Variants in BNIP3L observed in about 807,000 individuals in gnomAD.
BNIP3L encodes BCL2/adenovirus E1B 19 kDa protein-interacting protein 3-like.
BNIP3L carries 10 observed loss-of-function variants against 25.5 expected under a neutral mutation model. That is an observed-to-expected ratio of 0.39 (90% CI 0.24 to 0.67). The LOEUF is 0.67. BNIP3L is among the 30% of genes least tolerant of loss of function. The pLI is 0.45. For missense variants in BNIP3L, 215 were observed against 270.9 expected, an observed-to-expected ratio of 0.79 and a Z score of 1.45; for synonymous variants, 113 against 101.2, an observed-to-expected ratio of 1.12 and a Z score of -0.70.
intron 3 of BNIP3L, 107 bp downstream of exon 3, chr8:26,395,409 C>A: frequency 8.3e-7 from 1 of 1,198,000 alleles, no homozygotes; most frequent in Non-Finnish European, 1.2e-6. Context: ...TAGTTTGAAG[C>A]TATTATTGAG....
intron 3 of BNIP3L, among the ~76,000 whole-genome samples, chr8:26,404,032 C>G (rs777250862): frequency 6.6e-6 from 1 of 152,164 alleles, no homozygotes; most frequent in Non-Finnish European, 1.5e-5. Flanking sequence ...CGATTGATAA[C>G]AGGAGAGCTC....
chr8:26,388,807 C>CTAAATAAATAAATAAATAAATAAATAAA (rs3837185), intron 1 of BNIP3L, among the ~76,000 whole-genome samples: 20 of 143,958 alleles, frequency 1.4e-4, no homozygotes, highest in African/African-American at 5.1e-4. Context: ...CCTGTCTCTA[C>CTAAATAAATAAATAAATAAATAAATAAA]TAAATAAATA....
At chr8:26,401,955 G>A (rs1365820851) in intron 3 of BNIP3L, among the ~76,000 whole-genome samples, 1 of 152,174 alleles carries the variant, frequency 6.6e-6, no homozygotes, top group Non-Finnish European at 1.5e-5. Context: ...AAATTCTTGA[G>A]GACGGGAACC....
chr8:26,406,415 G>A (rs1806500933), intron 3 of BNIP3L, among the ~76,000 whole-genome samples: 1 of 152,210 alleles, frequency 6.6e-6, no homozygotes, highest in Non-Finnish European at 1.5e-5. Flanking sequence ...GCCCTGCTAT[G>A]TACTGGTTGT....
intron 3 of BNIP3L, among the ~76,000 whole-genome samples, chr8:26,401,888 T>C (rs898114239): frequency 2.2e-4 from 33 of 152,254 alleles, no homozygotes; most frequent in Non-Finnish European, 1.5e-5. Flanking sequence ...AGAATACTCA[T>C]AGCCAGCCTT....
intron 3 of BNIP3L, chr8:26,395,914 A>T (rs2117476874): frequency 6.1e-6 from 1 of 164,748 alleles, no homozygotes; most frequent in South Asian, 1.1e-4. Context: ...TGCTTTTCAG[A>T]CCGGCTTAAA....
At chr8:26,400,146 A>G (rs1478524681) in intron 3 of BNIP3L, among the ~76,000 whole-genome samples, 7 of 150,996 alleles carry the variant, frequency 4.6e-5, no homozygotes, top group East Asian at 2.0e-4. Context: ...GAGGCATCAC[A>G]CTACCTGACT....
chr8:26,393,557 A>C (rs1203840728), intron 2 of BNIP3L, among the ~76,000 whole-genome samples: 1 of 151,824 alleles, frequency 6.6e-6, no homozygotes, highest in African/African-American at 2.4e-5. Flanking sequence ...TGCATTCCAA[A>C]TTGTTAGGAG....
intron 3 of BNIP3L, among the ~76,000 whole-genome samples, chr8:26,403,695 C>A (rs752516853): frequency 2.6e-5 from 4 of 151,980 alleles, no homozygotes; most frequent in Admixed American, 6.6e-5. Context: ...CACTGCCACG[C>A]CTGGCTACTT....
intron 3 of BNIP3L, among the ~76,000 whole-genome samples, chr8:26,401,570 AAAAC>A (rs1361969891): frequency 1.3e-5 from 2 of 151,412 alleles, no homozygotes; most frequent in African/African-American, 4.8e-5. Context: ...TTAAAAAAAA[AAAAC>A]AAAAAAAAAA....
At chr8:26,388,603 A>T (rs1806040184) in intron 1 of BNIP3L, among the ~76,000 whole-genome samples, 1 of 152,124 alleles carries the variant, frequency 6.6e-6, no homozygotes, top group Non-Finnish European at 1.5e-5. Context: ...AAAAGTATAT[A>T]TTGGATTATG....
chr8:26,410,648 G>A lies in BNIP3L; in HGVS notation c.*236G>A, dbSNP rs765336320. The A allele has an allele frequency of 9.6e-6, 5 of 519,638 alleles. No individual in the cohort carries two copies. Among genetic ancestry groups the A allele is most frequent in the Non-Finnish European group, 1.7e-5 (5 of 289,150 alleles). 32.2% of individuals were successfully genotyped at this position (519,638 alleles called of 1,614,324 possible). ...TTAGAATTTCCTAACAGAGTTTACT[G>A]TTGTTTAGAAATTTGCAAGGGCTTC... On this transcript the variant is annotated 3_prime_UTR_variant, in exon 6 of 6. Transcript: ENST00000380629.
At chr8:26,408,827 A>T (rs565163266) in intron 5 of BNIP3L, among the ~76,000 whole-genome samples, 8 of 149,820 alleles carry the variant, frequency 5.3e-5, no homozygotes, top group Non-Finnish European at 8.9e-5. Context: ...AGCCGAGATC[A>T]TGCCACTGCA....
chr8:26,395,372 T>C, intron 3 of BNIP3L, 70 bp downstream of exon 3: 2 of 1,508,590 alleles, frequency 1.3e-6, no homozygotes, highest in Non-Finnish European at 1.8e-6. Context: ...TATATTTTGC[T>C]AAAATAAATG....
chr8:26,390,740 T>G (rs1806088361), intron 1 of BNIP3L, among the ~76,000 whole-genome samples: 1 of 152,236 alleles, frequency 6.6e-6, no homozygotes, highest in Non-Finnish European at 1.5e-5. Flanking sequence ...CTCAGTTGTT[T>G]GCACTAAGTA....
rs10598657 is a variant in BNIP3L, at chr8:26,384,727, A to ATT, written c.100+1521_100+1522dup. 3.5e-3 allele frequency among the ~76,000 whole-genome samples: 341 copies of ATT among 97,088 alleles called. 1 individual carries two copies. The highest frequency in any genetic ancestry group is 0.029 in the South Asian group (80 of 2,728). 63.7% of individuals were successfully genotyped at this position (97,088 alleles called of 152,430 possible). On this transcript the variant is annotated intron_variant, in intron 1 of 5. Transcript: ENST00000380629. ...GCCTGTCTACTGCTCTTTTGAGGACATTTTTTTTTTTTTTTTTTTTTTTTT... is the reference window on the plus strand; with the variant it reads ...GCCTGTCTACTGCTCTTTTGAGGACATTTTTTTTTTTTTTTTTTTTTTTTTTT...
At chr8:26,388,312 C>T (rs538671893) in intron 1 of BNIP3L, among the ~76,000 whole-genome samples, 1 of 152,252 alleles carries the variant, frequency 6.6e-6, no homozygotes, top group South Asian at 2.1e-4. Context: ...TTCATTTAAT[C>T]CTCCTAACAA....
chr8:26,395,315 G>A lies in BNIP3L; in HGVS notation c.357+13G>A. On this transcript the variant is annotated intron_variant, in intron 3 of 5. Transcript: ENST00000380629. ...CCATAGCTCTCAGGTGTGTCGGGGGGATTCTGATTTACAGTAAACAATTAA... is the reference window on the plus strand; with the variant it reads ...CCATAGCTCTCAGGTGTGTCGGGGGAATTCTGATTTACAGTAAACAATTAA... The A allele has an allele frequency of 6.2e-7, 1 of 1,611,200 alleles. No homozygotes were observed. The highest frequency in any genetic ancestry group is 2.2e-5 in the East Asian group (1 of 44,838).
At position 26,383,408 on chromosome 8, in the gene BNIP3L, C is replaced by T. The variant is rs955039362; in HGVS notation, c.100+178C>T. 21 of 1,431,142 alleles carry T rather than the reference C, an allele frequency of 1.5e-5. No individual in the cohort carries two copies. In the African/African-American group the frequency reaches 2.9e-4, roughly 20 times the overall value. The allele number at this position is 1,431,142 out of a possible 1,614,324, so 88.7% of individuals were successfully genotyped here. On this transcript the variant is annotated intron_variant, in intron 1 of 5. Transcript: ENST00000380629. ...AAGAGGAGGGGCGCCTGCCTTGCTC[C>T]GGGCCTCTCTGTTGCCTCCTGGGGT...
Sources: allele counts gnomAD v4.1 joint callset (sites outside exome capture counted in the v4.1 genomes callset), GRCh38; gene constraint gnomAD v4.1.1; transcripts MANE v1.5; gene names NCBI Gene and HGNC (gene_info 2026-07-23, HGNC 2026-07-21).